ITGA6: variants seen among roughly 807,000 people sequenced by gnomAD.
ITGA6 encodes the protein integrin subunit alpha 6.
ITGA6 carries 63 observed loss-of-function variants against 133.6 expected under a neutral mutation model. That is an observed-to-expected ratio of 0.47 (90% CI 0.38 to 0.58). The LOEUF (loss-of-function observed/expected upper bound fraction) is 0.58. Among genes scored for constraint, ITGA6 ranks in the 20% least tolerant of loss-of-function variants. ITGA6 has a pLI of 0.00. For missense variants in ITGA6, 1,068 were observed against 1,309.4 expected (o/e 0.82, Z 2.85); for synonymous variants, 434 against 482.0 (o/e 0.90, Z 1.30).
chr2:172,495,436 A>C (rs1042572949), intron 23 of ITGA6: 1 of 152,272 alleles, frequency 6.6e-6, no homozygotes, highest in Non-Finnish European at 1.5e-5. Flanking sequence ...TGGGAATCAC[A>C]GCCCACCCTT....
At chr2:172,439,342 A>G (rs1684448302) in intron 1 of ITGA6, among the ~76,000 whole-genome samples, 2 of 151,926 alleles carry the variant, frequency 1.3e-5, no homozygotes, top group South Asian at 4.1e-4. Context: ...AATGAGGCTC[A>G]ATCAGCACTT....
intron 24 of ITGA6, among the ~76,000 whole-genome samples, chr2:172,500,407 G>T (rs1687300192): frequency 6.6e-6 from 1 of 152,162 alleles, no homozygotes; most frequent in African/African-American, 2.4e-5. Context: ...GTGGCAGGTG[G>T]ATCACGACGT....
intron 1 of ITGA6, among the ~76,000 whole-genome samples, chr2:172,442,575 A>G (rs1234637078): frequency 6.6e-6 from 1 of 152,100 alleles, no homozygotes; most frequent in African/African-American, 2.4e-5. Flanking sequence ...AGCTCACTTG[A>G]CTGTGGGACT....
chr2:172,475,170 G>A, intron 7 of ITGA6, 48 bp downstream of exon 7: 1 of 1,235,588 alleles, frequency 8.1e-7, no homozygotes, highest in Non-Finnish European at 1.2e-6. Flanking sequence ...TTATTTGATT[G>A]TTTAAATAAT....
At chr2:172,502,337 A>G (rs1177608241) in intron 25 of ITGA6, among the ~76,000 whole-genome samples, 1 of 152,122 alleles carries the variant, frequency 6.6e-6, no homozygotes, top group Admixed American at 6.5e-5. Context: ...TCGACCGCCT[A>G]ATTAACCTGT....
At chr2:172,443,135 A>G (rs1226448752) in intron 1 of ITGA6, among the ~76,000 whole-genome samples, 1 of 152,138 alleles carries the variant, frequency 6.6e-6, no homozygotes, top group East Asian at 1.9e-4. Flanking sequence ...AGAGCTACCT[A>G]TACATTTACA....
intron 1 of ITGA6, among the ~76,000 whole-genome samples, chr2:172,439,904 C>G (rs1684471697): frequency 6.6e-6 from 1 of 152,124 alleles, no homozygotes; most frequent in Non-Finnish European, 1.5e-5. Context: ...ATAAATCTTG[C>G]CCTTAATAGA....
At chr2:172,465,321 G>T in intron 1 of ITGA6, 1 of 614,440 alleles carries the variant, frequency 1.6e-6, no homozygotes, top group South Asian at 1.9e-5. Flanking sequence ...TCCTCGTTTT[G>T]GTATCCCCTC....
intron 2 of ITGA6, 148 bp downstream of exon 2, chr2:172,465,811 A>G: frequency 8.9e-7 from 1 of 1,118,472 alleles, no homozygotes; most frequent in Non-Finnish European, 1.3e-6. Flanking sequence ...TTGCCCTGAA[A>G]ATATTTACTT....
chr2:172,487,488 A>G, intron 15 of ITGA6, 35 bp downstream of exon 15: 1 of 1,611,570 alleles, frequency 6.2e-7, no homozygotes, highest in African/African-American at 1.3e-5. Context: ...AGAGGGGAAA[A>G]AAATCAACAC....
rs1279132219 is a variant in ITGA6 at position 172,469,189 on chromosome 2, T to C, written c.452T>C (p.Phe151Ser). 4 of 1,613,968 alleles carry C rather than the reference T, an allele frequency of 2.5e-6. No individual in the cohort carries two copies. Among genetic ancestry groups the C allele is most frequent in the Admixed American group, 1.7e-5 (1 of 60,004 alleles). ...ACGAAGCAGGAATCCCGAGACATCT[T>C]TGGGCGGTGTTATGTCCTGAGTCAG... is the stretch of plus-strand genomic sequence containing the variant. The part of the protein sequence containing the change: ...VNTKQESRDI[F>S]GRCYVLSQNL... The change falls in exon 4 of 26, where the codon TTT becomes TCT. Residue 151 changes from phenylalanine to serine, a missense_variant. By Grantham distance (155) the Phe-to-Ser change is radical. Around this residue, in one of 3 missense-constraint regions of ITGA6, gnomAD observed 317 missense variants for 456.9 expected, o/e 0.69. Transcript: ENST00000684293.
chr2:172,469,395 T>A lies in ITGA6; in HGVS notation c.643+15T>A. On this transcript the variant is annotated intron_variant, in intron 4 of 25. Coordinates refer to ENST00000684293, the MANE Select transcript of ITGA6 (RefSeq NM_000210.4). ...TAACTGGAAAGGTATGACCTTTGTA[T>A]TTATAGAAATAGAGATTAGTTCCCC... 1 of 1,610,442 alleles carries A rather than the reference T, an allele frequency of 6.2e-7. No individual in the cohort carries two copies. Among genetic ancestry groups the A allele is most frequent in the Non-Finnish European group, 8.5e-7 (1 of 1,176,724 alleles).
At chr2:172,448,368 G>A (rs1684851125) in intron 1 of ITGA6, among the ~76,000 whole-genome samples, 1 of 152,044 alleles carries the variant, frequency 6.6e-6, no homozygotes, top group Non-Finnish European at 1.5e-5. Context: ...GGGAGCCCAG[G>A]AGTGCTAGGC....
chr2:172,451,333 T>C (rs1684991119), intron 1 of ITGA6, among the ~76,000 whole-genome samples: 1 of 148,074 alleles, frequency 6.8e-6, no homozygotes. Flanking sequence ...GGTGTGGTGG[T>C]GGGCACCTGT....
chr2:172,497,055 T>C (rs919079422), intron 23 of ITGA6, among the ~76,000 whole-genome samples: 2 of 152,232 alleles, frequency 1.3e-5, no homozygotes, highest in African/African-American at 4.8e-5. Context: ...TGAGGGTCTT[T>C]AGTGTGATAT....
intron 1 of ITGA6, among the ~76,000 whole-genome samples, chr2:172,461,518 C>T (rs13430568): frequency 0.089 from 13,505 of 152,260 alleles, 894 homozygotes; most frequent in African/African-American, 0.19. Flanking sequence ...AACTCATATC[C>T]CTTGGTCCCT....
At chr2:172,472,727 C>A in intron 5 of ITGA6, 3 of 1,230,232 alleles carry the variant, frequency 2.4e-6, no homozygotes, top group Non-Finnish European at 3.6e-6. Flanking sequence ...TCTTACCAAG[C>A]ATAATTACTT....
At chr2:172,472,160 A>G (rs1685971108) in intron 5 of ITGA6, among the ~76,000 whole-genome samples, 1 of 152,184 alleles carries the variant, frequency 6.6e-6, no homozygotes, top group African/African-American at 2.4e-5. Flanking sequence ...CTTCTCTACT[A>G]AAAATACAAA....
chr2:172,450,983 G>GTA (rs1368941221), intron 1 of ITGA6, among the ~76,000 whole-genome samples: 4 of 146,412 alleles, frequency 2.7e-5, no homozygotes, highest in East Asian at 2.0e-4. Context: ...TTGTGTGTGT[G>GTA]TATATATATA....
Sources: allele counts gnomAD v4.1 joint callset (sites outside exome capture counted in the v4.1 genomes callset), GRCh38; gene constraint gnomAD v4.1.1; regional missense constraint gnomAD v4.1.1; transcripts MANE v1.5; gene names NCBI Gene and HGNC (gene_info 2026-07-23, HGNC 2026-07-21).